The following ZMYM2 variants were observed in gnomAD, a reference collection of about 807,000 sequenced individuals.
ZMYM2 encodes the protein zinc finger MYM-type containing 2.
A neutral mutation model predicts 162.8 loss-of-function variants in ZMYM2; 56 were observed. That is an observed-to-expected ratio of 0.34 (90% CI 0.28 to 0.43). The LOEUF is 0.43. Ranked by LOEUF, ZMYM2 falls within the 20% of genes least tolerant of loss-of-function variation. The probability of loss-of-function intolerance (pLI) is 1.00; values close to 1 mark genes in which losing one functional copy is unlikely to be tolerated. For missense variants in ZMYM2, 1,275 were observed against 1,621.8 expected (o/e 0.79, Z 3.67); for synonymous variants, 510 against 541.6 (o/e 0.94, Z 0.81).
At chr13:19,886,494 C>A in the ZMYM2 span, among the ~76,000 whole-genome samples, 1,790 of 151,888 alleles carry the variant, frequency 0.012, 69 homozygotes, top group African/African-American at 0.04. Flanking sequence ...ATAGTGACAG[C>A]AGAGCATTAA....
At chr13:19,918,629 G>A in the ZMYM2 span, among the ~76,000 whole-genome samples, 9 of 150,066 alleles carry the variant, frequency 6.0e-5, no homozygotes, top group Non-Finnish European at 1.0e-4. Flanking sequence ...CTCCTGAGTA[G>A]CTGGGATTAC....
chr13:19,875,228 C>T, the ZMYM2 span, among the ~76,000 whole-genome samples: 8 of 152,084 alleles, frequency 5.3e-5, no homozygotes, highest in Admixed American at 1.3e-4. Flanking sequence ...GGTGTTCACC[C>T]GCATGTGTGA....
At chr13:20,037,296 G>T (rs1389367550) in intron 12 of ZMYM2, among the ~76,000 whole-genome samples, 21 of 139,670 alleles carry the variant, frequency 1.5e-4, no homozygotes, top group African/African-American at 5.8e-4. Context: ...GCTCACTGCA[G>T]CCTCCACCTC....
the ZMYM2 span, among the ~76,000 whole-genome samples, chr13:19,884,010 G>A: frequency 6.6e-6 from 1 of 152,182 alleles, no homozygotes; most frequent in South Asian, 2.1e-4. Flanking sequence ...CGCCCGGTTT[G>A]ACCTCCAAAA....
chr13:19,916,743 C>A, the ZMYM2 span, among the ~76,000 whole-genome samples: 14,201 of 151,024 alleles, frequency 0.094, 762 homozygotes, highest in Middle Eastern at 0.14. Context: ...GGATAGCATT[C>A]GGAGAAATAC....
At chr13:19,939,647 G>C in the ZMYM2 span, among the ~76,000 whole-genome samples, 2 of 152,106 alleles carry the variant, frequency 1.3e-5, no homozygotes, top group East Asian at 1.9e-4. Context: ...GCAAAAAATT[G>C]AAAATACTTT....
chr13:20,032,645 G>A (rs1953298738), intron 10 of ZMYM2, among the ~76,000 whole-genome samples: 1 of 109,992 alleles, frequency 9.1e-6, no homozygotes, highest in Non-Finnish European at 1.7e-5. Context: ...GTCTCGCTCT[G>A]TTGCCCAGGC....
rs1949805788 is a variant in ZMYM2 at position 19,993,719 on chromosome 13, A to G, written c.647A>G (p.His216Arg). Residue 216 changes from histidine (H) to arginine (R), a missense_variant, in exon 3 of 25, where the codon CAT becomes CGT. Coordinates refer to ENST00000610343, the MANE Select transcript of ZMYM2 (RefSeq NM_197968.4). ...CGAGATATGAACTTAATGATTACACATGTAACATCACTGCAGAATACCAAC... is the reference window on the plus strand; with the variant it reads ...CGAGATATGAACTTAATGATTACACGTGTAACATCACTGCAGAATACCAAC... ...DGRDMNLMIT[H>R]VTSLQNTNLG... 6.2e-7 allele frequency: 1 copy of G among 1,614,048 alleles called. No homozygotes were observed. The highest frequency in any genetic ancestry group is 8.5e-7 in the Non-Finnish European group (1 of 1,179,908).
intron 6 of ZMYM2, among the ~76,000 whole-genome samples, chr13:20,014,762 GTTTT>G (rs71070286): frequency 4.3e-5 from 4 of 92,832 alleles, no homozygotes; most frequent in Non-Finnish European, 8.0e-5. Context: ...TTTACTTTAG[GTTTT>G]TTTTTTTTTT....
chr13:20,061,415 C>T (rs1456930631), intron 17 of ZMYM2, among the ~76,000 whole-genome samples, 191 bp downstream of exon 17: 1 of 152,090 alleles, frequency 6.6e-6, no homozygotes, highest in Non-Finnish European at 1.5e-5. Flanking sequence ...GACAGATATC[C>T]GAAGCAGGAA....
At position 20,087,008 on chromosome 13, in the gene ZMYM2, A is replaced by G. The variant is rs888312017; in HGVS notation, c.*994A>G. The G allele has an allele frequency of 1.1e-5, 2 of 183,150 alleles. No individual in the cohort carries two copies. Among genetic ancestry groups the G allele is most frequent in the Non-Finnish European group, 2.3e-5 (2 of 86,104 alleles). 11.3% of individuals were successfully genotyped at this position (183,150 alleles called of 1,614,324 possible). On this transcript the variant is annotated 3_prime_UTR_variant, in exon 25 of 25. Coordinates refer to ENST00000610343, the MANE Select transcript of ZMYM2 (RefSeq NM_197968.4). Reference sequence around the variant, plus strand: ...CTGTGTAGTACTCTAAAACTTAGCAATTTTATCAGAATTCTTGTGCCTGTT... The same window carrying G: ...CTGTGTAGTACTCTAAAACTTAGCAGTTTTATCAGAATTCTTGTGCCTGTT...
intron 2 of ZMYM2, among the ~76,000 whole-genome samples, chr13:19,964,208 C>G (rs1955533736): frequency 6.6e-6 from 1 of 152,010 alleles, no homozygotes; most frequent in Non-Finnish European, 1.5e-5. Flanking sequence ...GAAACCCTGT[C>G]TCTACTAAAA....
At chr13:19,973,816 T>A (rs1347258948) in intron 2 of ZMYM2, among the ~76,000 whole-genome samples, 1 of 152,102 alleles carries the variant, frequency 6.6e-6, no homozygotes, top group Non-Finnish European at 1.5e-5. Context: ...CAACACAAAT[T>A]TGTAAACCTT....
chr13:20,085,593 A>G (rs981237749), intron 24 of ZMYM2, among the ~76,000 whole-genome samples: 1 of 152,162 alleles, frequency 6.6e-6, no homozygotes, highest in Non-Finnish European at 1.5e-5. Context: ...TGGTGTGTCT[A>G]TTGATAGTGT....
chr13:19,994,471 G>A (rs770336216), intron 3 of ZMYM2, among the ~76,000 whole-genome samples: 1 of 152,166 alleles, frequency 6.6e-6, no homozygotes, highest in South Asian at 2.1e-4. Context: ...AAAGAACAGT[G>A]TAATATTGTA....
chr13:20,037,133 T>C (rs531937760), intron 12 of ZMYM2, among the ~76,000 whole-genome samples: 9 of 152,156 alleles, frequency 5.9e-5, no homozygotes, highest in African/African-American at 2.2e-4. Context: ...GATTAGGATA[T>C]ACCTATATTT....
In ZMYM2 at chr13:20,005,173, C is replaced by T. The variant is rs116271560; in HGVS notation, c.1233C>T (p.Asp411=). 1.1e-3 allele frequency: 1,738 copies of T among 1,593,742 alleles called. 14 individuals are homozygous for T. In the African/African-American group the frequency reaches 0.02, roughly 18 times the overall value. Residue 411 remains aspartate, a synonymous_variant, in exon 5 of 25, where the codon GAC becomes GAT. Transcript: ENST00000610343. ...CATCTTGTTTATCTCTCTATGAAGA[C>T]AAACAGAATCCTACTAAAGGAGCTC... ...CSTSCLSLYE[D]KQNPTKGALN... is the part of the protein sequence containing the mutation.
intron 6 of ZMYM2, among the ~76,000 whole-genome samples, chr13:20,013,361 TTTTCTC>T (rs1951352543): frequency 6.6e-6 from 1 of 152,198 alleles, no homozygotes; most frequent in African/African-American, 2.4e-5. Flanking sequence ...TTCTTGGTAT[TTTTCTC>T]TTTATGAGTT....
chr13:19,952,841 G>A, the ZMYM2 span, among the ~76,000 whole-genome samples: 1 of 152,150 alleles, frequency 6.6e-6, no homozygotes, highest in Non-Finnish European at 1.5e-5. Flanking sequence ...AAAGTGGAGG[G>A]TCACTACTAT....
Sources: gnomAD v4.1 joint callset for allele counts (sites outside exome capture counted in the v4.1 genomes callset) on GRCh38, gnomAD v4.1.1 for gene constraint, MANE v1.5 for transcripts, NCBI Gene and HGNC (gene_info 2026-07-23, HGNC 2026-07-21) for gene names.